CHD1L: variants seen among roughly 807,000 people sequenced by gnomAD.
CHD1L encodes the protein chromodomain helicase DNA binding protein 1 like, also known as ATP-dependent chromatin remodeler CHD1L.
In CHD1L, 118 loss-of-function variants were observed where a neutral mutation model predicts 115.9. The ratio of observed to expected loss-of-function variants is 1.02; its 90% CI spans 0.88 to 1.19. The LOEUF (loss-of-function observed/expected upper bound fraction) is 1.19, where lower values mean the gene tolerates loss of function less well. Ranked by LOEUF, CHD1L falls within the 50% of genes most tolerant of loss-of-function variation. CHD1L has a pLI of 0.00. For synonymous variants in CHD1L, 411 were observed against 387.1 expected (o/e 1.06, Z -0.72); for missense variants, 1,179 against 1,065.3 (o/e 1.11, Z -1.49).
chr1:147,233,125 G>A, the CHD1L span, among the ~76,000 whole-genome samples: 1 of 151,870 alleles, frequency 6.6e-6, no homozygotes. Flanking sequence ...CATCTGGGAT[G>A]TGAGGAGCGC....
chr1:147,204,968 A>G, the CHD1L span: 1 of 1,277,762 alleles, frequency 7.8e-7, no homozygotes, highest in Non-Finnish European at 1.1e-6. Context: ...GTGACCGCTC[A>G]GAAGACCGCG....
chr1:147,186,974 T>C, the CHD1L span: 5 of 1,614,212 alleles, frequency 3.1e-6, no homozygotes, highest in East Asian at 6.7e-5. Context: ...GTTGAAGTCA[T>C]AGAACTACTC....
At chr1:147,204,906 C>G in the CHD1L span, 2 of 1,580,640 alleles carry the variant, frequency 1.3e-6, no homozygotes, top group Non-Finnish European at 1.7e-6. Context: ...GGGCGAAGCC[C>G]GGAGCCTTGG....
upstream of CHD1L, among the ~76,000 whole-genome samples, chr1:147,237,680 A>G (rs1196052974): frequency 1.3e-5 from 2 of 152,164 alleles, no homozygotes; most frequent in Non-Finnish European, 2.9e-5. Flanking sequence ...TGCCATCAAT[A>G]TGTCACAAAA....
At chr1:147,173,606 T>C in the CHD1L span, 1 of 152,186 alleles carries the variant, frequency 6.6e-6, no homozygotes, top group Non-Finnish European at 1.5e-5. Flanking sequence ...GGATCCAGGT[T>C]TTTTATGAAA....
At chr1:147,244,516 C>T (rs1475711738) in intron 1 of CHD1L, among the ~76,000 whole-genome samples, 1 of 151,638 alleles carries the variant, frequency 6.6e-6, no homozygotes, top group Non-Finnish European at 1.5e-5. Flanking sequence ...AGAAGTAGTA[C>T]GTATTTTCAG....
Position 147,264,440 on chromosome 1 carries a change from C to G in CHD1L, c.595C>G (p.Leu199Val), listed in dbSNP as rs1673116129. 6.2e-7 allele frequency: 1 copy of G among 1,610,948 alleles called. No homozygotes were observed. The highest frequency in any genetic ancestry group is 1.1e-5 in the South Asian group (1 of 90,480). Residue 199 changes from leucine (L) to valine (V), a missense_variant, in exon 7 of 23, where the codon CTC becomes GTC. Transcript: ENST00000369258. ...ATTTGAGTTCTCAGTAGTCTTCAGT[C>G]TCCTGTTGACCGGAACTCCCATCCA... Reference protein sequence around the residue: ...TLSEFSVVFSLLLTGTPIQNS... With the variant: ...TLSEFSVVFSVLLTGTPIQNS...
In CHD1L at chr1:147,242,782, G is replaced by C; in HGVS notation, c.79G>C (p.Glu27Gln). Residue 27 changes from glutamate (E) to glutamine (Q), a missense_variant, in exon 1 of 23, where the codon GAG (glutamate) becomes CAG (glutamine). Glu to Gln is a conservative substitution (Grantham distance 29). Transcript: ENST00000369258. ...LLRLHTEGRAEAARVQEQDLR... is the reference protein window; with the variant it reads ...LLRLHTEGRAQAARVQEQDLR... Reference sequence around the variant, plus strand: ...GCGGCTTCATACTGAGGGCCGAGCCGAGGCGGCGCGGGTGCAGGAGCAGGA... The same window carrying C: ...GCGGCTTCATACTGAGGGCCGAGCCCAGGCGGCGCGGGTGCAGGAGCAGGA... 7.9e-7 allele frequency: 1 copy of C among 1,272,272 alleles called. No individual in the cohort carries two copies. 78.8% of individuals were successfully genotyped at this position (1,272,272 alleles called of 1,614,324 possible).
Position 147,276,264 on chromosome 1 carries a change from T to TATG in CHD1L, c.1539+10_1539+12dup, listed in dbSNP as rs782644403. On this transcript the variant is annotated splice_region_variant and intron_variant, in intron 14 of 22. Coordinates refer to ENST00000369258, the MANE Select transcript of CHD1L (RefSeq NM_004284.6). ...TGCCGATGCTGACCTCCAGGTATGA[T>TATG]ATGATATACTGTTCTTCACTTTGGA... is the stretch of plus-strand genomic sequence containing the variant. 3 of 1,613,944 alleles carry TATG rather than the reference T, an allele frequency of 1.9e-6. No individual in the cohort carries two copies. The African/African-American group carries it at 4.0e-5, about 22-fold the overall frequency.
At chr1:147,236,737 A>T in the CHD1L span, among the ~76,000 whole-genome samples, 1 of 152,154 alleles carries the variant, frequency 6.6e-6, no homozygotes, top group Non-Finnish European at 1.5e-5. Context: ...TGGGGTGGGT[A>T]GCTCCTCTCT....
Position 147,286,353 on chromosome 1 carries a change from A to G in CHD1L, c.2074A>G (p.Ser692Gly), listed in dbSNP as rs1553965731. The change falls in exon 18 of 23, where the codon AGC becomes GGC. Residue 692 changes from serine to glycine, a missense_variant. By Grantham distance (56) the Ser-to-Gly change is moderately conservative. Transcript: ENST00000369258. The part of the protein sequence containing the change: ...YQSFCLPSEE[S>G]EPEDLENGEE... ...GTCCTTCTGCCTGCCCTCTGAGGAG[A>G]GCGAGCCAGAGGACCTTGAGAATGG... is the stretch of plus-strand genomic sequence containing the variant. The G allele has an allele frequency of 3.1e-6, 5 of 1,614,084 alleles. No homozygotes were observed. The highest frequency in any genetic ancestry group is 2.2e-5 in the East Asian group (1 of 44,874).
chr1:147,192,448 C>A, the CHD1L span, among the ~76,000 whole-genome samples: 3 of 152,044 alleles, frequency 2.0e-5, no homozygotes, highest in Admixed American at 6.5e-5. Flanking sequence ...ACAATCATGT[C>A]GTCTGCAAAC....
the CHD1L span, among the ~76,000 whole-genome samples, chr1:147,195,128 G>A: frequency 1.4e-4 from 21 of 152,146 alleles, no homozygotes; most frequent in African/African-American, 4.1e-4. Context: ...CATTCTCCCC[G>A]TCACTTTCAG....
At chr1:147,179,410 A>G in the CHD1L span, 1 of 1,597,546 alleles carries the variant, frequency 6.3e-7, no homozygotes, top group Non-Finnish European at 8.6e-7. Context: ...CGTCATAGCC[A>G]AGATGGATGC....
At chr1:147,231,203 T>C in the CHD1L span, among the ~76,000 whole-genome samples, 1 of 152,220 alleles carries the variant, frequency 6.6e-6, no homozygotes, top group African/African-American at 2.4e-5. Flanking sequence ...TCTGGTACAC[T>C]GTGTCTTTGT....
intron 15 of CHD1L, among the ~76,000 whole-genome samples, chr1:147,283,170 T>G (rs1323005774): frequency 2.6e-5 from 4 of 152,180 alleles, no homozygotes; most frequent in Non-Finnish European, 5.9e-5. Flanking sequence ...ATTTGACACT[T>G]CTCAGCTCTA....
chr1:147,191,338 A>G, the CHD1L span, among the ~76,000 whole-genome samples: 1 of 152,258 alleles, frequency 6.6e-6, no homozygotes, highest in South Asian at 2.1e-4. Context: ...CATCCTCTCC[A>G]GCACCTGTTG....
chr1:147,202,309 G>GTC, the CHD1L span, among the ~76,000 whole-genome samples: 154 of 118,460 alleles, frequency 1.3e-3, no homozygotes, highest in Non-Finnish European at 1.8e-3. Flanking sequence ...CTAAAAAGCA[G>GTC]TTCTTTTTTT....
chr1:147,261,991 C>T (rs993294350), intron 6 of CHD1L, among the ~76,000 whole-genome samples: 11 of 151,888 alleles, frequency 7.2e-5, no homozygotes, highest in African/African-American at 2.2e-4. Context: ...GTCAGGAGAT[C>T]GAGACCATCC....
Sources: allele counts gnomAD v4.1 joint callset (sites outside exome capture counted in the v4.1 genomes callset), GRCh38; gene constraint gnomAD v4.1.1; transcripts MANE v1.5; gene names NCBI Gene and HGNC (gene_info 2026-07-23, HGNC 2026-07-21).